The following PCDH15 variants were observed in gnomAD, a reference collection of about 807,000 sequenced individuals.
PCDH15 encodes the protein protocadherin-15.
Under a neutral mutation model 178.5 loss-of-function variants are expected in PCDH15, and 129 were observed. The observed-to-expected ratio is 0.72, with a 90% CI of 0.63 to 0.84. The LOEUF (loss-of-function observed/expected upper bound fraction) is 0.84. PCDH15 is among the 40% of genes least tolerant of loss of function. PCDH15 has a pLI of 0.00. For synonymous variants in PCDH15, 800 were observed against 732.0 expected, an observed-to-expected ratio of 1.09 and a Z score of -1.50; for missense variants, 2,230 against 2,099.9, an observed-to-expected ratio of 1.06 and a Z score of -1.21.
At chr10:55,139,737 C>A (rs771173027) in intron 2 of PCDH15, among the ~76,000 whole-genome samples, 1 of 151,854 alleles carries the variant, frequency 6.6e-6, no homozygotes, top group Non-Finnish European at 1.5e-5. Flanking sequence ...CTCTTTATTT[C>A]TATCAATATT....
chr10:55,519,300 A>AAAC (rs397956142), intron 2 of PCDH15, among the ~76,000 whole-genome samples: 11 of 148,918 alleles, frequency 7.4e-5, no homozygotes, highest in Non-Finnish European at 1.3e-4. Flanking sequence ...AAAAAAAAAA[A>AAAC]CCCAATAGAT....
intron 2 of PCDH15, among the ~76,000 whole-genome samples, chr10:55,496,244 C>T (rs1001123893): frequency 6.6e-6 from 1 of 151,212 alleles, no homozygotes; most frequent in Non-Finnish European, 1.5e-5. Flanking sequence ...ACCAGAAGAT[C>T]ATGAAAAAAA....
chr10:55,309,963 T>C (rs1465727725), intron 1 of PCDH15, among the ~76,000 whole-genome samples: 1 of 152,156 alleles, frequency 6.6e-6, no homozygotes, highest in African/African-American at 2.4e-5. Flanking sequence ...TTCCATTTTT[T>C]TCCCTTTCCT....
intron 2 of PCDH15, among the ~76,000 whole-genome samples, chr10:54,915,839 T>C (rs1954892882): frequency 6.6e-6 from 1 of 152,156 alleles, no homozygotes; most frequent in Non-Finnish European, 1.5e-5. Context: ...TATTTATTTA[T>C]TTATTTTGAG....
At chr10:54,280,852 C>A (rs1269282890) in intron 8 of PCDH15, among the ~76,000 whole-genome samples, 2 of 151,828 alleles carry the variant, frequency 1.3e-5, no homozygotes, top group East Asian at 1.9e-4. Context: ...GTAGCCATTG[C>A]AGGCACAGTA....
intron 2 of PCDH15, chr10:54,656,020 A>G (rs1321984441): frequency 2.6e-5 from 4 of 152,214 alleles, no homozygotes; most frequent in African/African-American, 9.6e-5. Flanking sequence ...TTCCAATAAA[A>G]AAGACAAAAT....
At position 53,822,952 on chromosome 10, in the gene PCDH15, G is replaced by C. The variant is rs773753270; in HGVS notation, c.4368-2722C>G. The C allele has an allele frequency of 1.2e-6, 2 of 1,613,860 alleles. No individual in the cohort carries two copies. Among genetic ancestry groups the C allele is most frequent in the African/African-American group, 2.7e-5 (2 of 74,876 alleles). On this transcript the variant is annotated intron_variant, in intron 32 of 37. Transcript: ENST00000644397. Reference sequence around the variant, plus strand: ...CACTGCTGCAGATCTATGATCTCTGGTCTATTTGGAACTTTCCTCATCAGC... The same window carrying C: ...CACTGCTGCAGATCTATGATCTCTGCTCTATTTGGAACTTTCCTCATCAGC...
At chr10:54,800,347 G>T (rs573961122) in intron 1 of PCDH15, among the ~76,000 whole-genome samples, 1 of 152,280 alleles carries the variant, frequency 6.6e-6, no homozygotes, top group South Asian at 2.1e-4. Context: ...AATGGTTAAT[G>T]CTTCCAGATA....
chr10:54,788,055 T>C (rs1237431446), intron 1 of PCDH15, among the ~76,000 whole-genome samples: 1 of 151,240 alleles, frequency 6.6e-6, no homozygotes, highest in Non-Finnish European at 1.5e-5. Flanking sequence ...AAACAAAAAA[T>C]AGGAAGGGTG....
intron 2 of PCDH15, among the ~76,000 whole-genome samples, chr10:55,357,936 A>C (rs1845120860): frequency 6.6e-6 from 1 of 152,098 alleles, no homozygotes; most frequent in African/African-American, 2.4e-5. Context: ...AAACCAACAG[A>C]GATAGCAAGC....
intron 2 of PCDH15, among the ~76,000 whole-genome samples, chr10:55,102,412 C>A (rs1237272037): frequency 6.6e-6 from 1 of 151,566 alleles, no homozygotes; most frequent in African/African-American, 2.4e-5. Flanking sequence ...AGTACTGAGC[C>A]CTATATATAC....
At chr10:54,742,886 C>T (rs1944989904) in intron 1 of PCDH15, among the ~76,000 whole-genome samples, 1 of 152,018 alleles carries the variant, frequency 6.6e-6, no homozygotes, top group African/African-American at 2.4e-5. Flanking sequence ...CAGGAACAGT[C>T]ATATTGCATA....
intron 1 of PCDH15, among the ~76,000 whole-genome samples, chr10:55,210,618 CTTT>C (rs11412877): frequency 2.8e-3 from 113 of 40,304 alleles, no homozygotes; most frequent in African/African-American, 7.4e-3. Context: ...TTTTTCTTTT[CTTT>C]TTTTTTTTTT....
At chr10:54,081,511 G>C (rs958197123) in intron 16 of PCDH15, among the ~76,000 whole-genome samples, 8 of 152,086 alleles carry the variant, frequency 5.3e-5, no homozygotes, top group African/African-American at 1.7e-4. Flanking sequence ...TTGCGACTCA[G>C]TGTTGTAGGC....
At chr10:55,537,622 G>A (rs1326738807) in intron 2 of PCDH15, among the ~76,000 whole-genome samples, 1 of 152,100 alleles carries the variant, frequency 6.6e-6, no homozygotes, top group East Asian at 1.9e-4. Context: ...TTTTAGTACA[G>A]ACGGGGTTTC....
chr10:54,152,176 A>C (rs190864657), intron 14 of PCDH15, among the ~76,000 whole-genome samples: 19 of 152,300 alleles, frequency 1.2e-4, no homozygotes, highest in Admixed American at 6.5e-4. Flanking sequence ...TAAAGATTTA[A>C]ATATACAATA....
intron 1 of PCDH15, among the ~76,000 whole-genome samples, chr10:55,256,341 C>T (rs1487881570): frequency 1.2e-4 from 18 of 152,228 alleles, no homozygotes; most frequent in East Asian, 7.8e-4. Flanking sequence ...ACTGAGGTAC[C>T]GGGTTCATCT....
chr10:54,424,697 A>G (rs1329479112), intron 3 of PCDH15, among the ~76,000 whole-genome samples: 3 of 152,046 alleles, frequency 2.0e-5, no homozygotes, highest in Non-Finnish European at 4.4e-5. Flanking sequence ...TGATGAGTTC[A>G]TGTCCTTTGT....
At chr10:54,350,904 G>A (rs1443188222) in intron 5 of PCDH15, among the ~76,000 whole-genome samples, 3 of 152,100 alleles carry the variant, frequency 2.0e-5, no homozygotes, top group Admixed American at 6.5e-5. Flanking sequence ...AGGAGTTGGA[G>A]TCCAGCCTGG....
Sources: gnomAD v4.1 joint callset for allele counts (sites outside exome capture counted in the v4.1 genomes callset) on GRCh38, gnomAD v4.1.1 for gene constraint, MANE v1.5 for transcripts, NCBI Gene and HGNC (gene_info 2026-07-23, HGNC 2026-07-21) for gene names.